The following TMEM131L variants were observed in gnomAD, a reference collection of about 807,000 sequenced individuals.
The protein encoded by TMEM131L is transmembrane 131 like.
A neutral mutation model predicts 192.2 loss-of-function variants in TMEM131L; 54 were observed. The ratio of observed to expected loss-of-function variants is 0.28; its 90% CI spans 0.23 to 0.35. The LOEUF (loss-of-function observed/expected upper bound fraction) is 0.35, where lower values mean the gene tolerates loss of function less well. Among genes scored for constraint, TMEM131L ranks in the 10% least tolerant of loss-of-function variants. The pLI, the probability that TMEM131L is intolerant of heterozygous loss-of-function variation, is 1.00. For missense variants in TMEM131L, 1,888 were observed against 1,972.9 expected (o/e 0.96, Z 0.82); for synonymous variants, 701 against 704.9 (o/e 0.99, Z 0.09).
intron 3 of TMEM131L, among the ~76,000 whole-genome samples, chr4:153,500,906 C>T (rs773875362): frequency 1.3e-5 from 2 of 151,852 alleles, no homozygotes; most frequent in Non-Finnish European, 1.5e-5. Context: ...CCAGAGACGC[C>T]GTTTAATGAT....
chr4:153,487,753 C>A, intron 3 of TMEM131L, among the ~76,000 whole-genome samples: 1 of 145,766 alleles, frequency 6.9e-6, no homozygotes, highest in Admixed American at 6.8e-5. Context: ...CCTCGTGGGC[C>A]TGTGGCTGAG....
rs139597924 is a variant in TMEM131L, at chr4:153,555,894, C to T, written c.416C>T (p.Pro139Leu). ...GCAGCTGCTGGACATTTCCATGTAC[C>T]GCCAGTTCCCTGCAGGGTGGGTGTT... ...VFAAAGHFHVPPVPCRVIPAM... is the reference protein window; with the variant it reads ...VFAAAGHFHVLPVPCRVIPAM... The change falls in exon 5 of 35, where the codon CCG becomes CTG. Residue 139 changes from proline to leucine, a missense_variant. Pro to Leu is a moderately conservative substitution (Grantham distance 98). Coordinates refer to ENST00000409959, the MANE Select transcript of TMEM131L (RefSeq NM_001131007.2). The surrounding 1 kb of genome is among the most constrained non-coding windows in gnomAD (Gnocchi z 4.1). The T allele has an allele frequency of 2.1e-3, 3,273 of 1,551,154 alleles. 5 individuals carry two copies. Among genetic ancestry groups the T allele is most frequent in the Non-Finnish European group, 2.6e-3 (2,993 of 1,146,736 alleles).
chr4:153,627,746 C>T, intron 31 of TMEM131L, 59 bp downstream of exon 31: 1 of 1,416,616 alleles, frequency 7.1e-7, no homozygotes. Context: ...GTCTGTATTC[C>T]TGGCTGATGA....
intron 4 of TMEM131L, among the ~76,000 whole-genome samples, chr4:153,554,388 A>G (rs1172051613): frequency 6.6e-6 from 1 of 152,244 alleles, no homozygotes; most frequent in Non-Finnish European, 1.5e-5. Flanking sequence ...ACGTTTTGAA[A>G]TACACATTGG....
At chr4:153,480,782 A>G (rs1251821777) in intron 3 of TMEM131L, among the ~76,000 whole-genome samples, 1 of 152,162 alleles carries the variant, frequency 6.6e-6, no homozygotes, top group Admixed American at 6.5e-5. Flanking sequence ...TTGAACATGG[A>G]TCATACCTTC....
At chr4:153,593,970 T>G (rs1578823131) in intron 19 of TMEM131L, 99 bp downstream of exon 19, 2 of 767,224 alleles carry the variant, frequency 2.6e-6, no homozygotes, top group African/African-American at 3.5e-5. Flanking sequence ...TTTTATTTAC[T>G]ATATATGGCT....
chr4:153,602,116 C>A, intron 21 of TMEM131L, 36 bp from the exon 22 acceptor site: 2 of 1,195,878 alleles, frequency 1.7e-6, no homozygotes, highest in South Asian at 3.0e-5. Flanking sequence ...TTTTATAGTT[C>A]ACATATACTA....
intron 34 of TMEM131L, 136 bp from the exon 35 acceptor site, chr4:153,636,165 C>T (rs1734555489): frequency 1.4e-5 from 12 of 886,058 alleles, no homozygotes; most frequent in Non-Finnish European, 2.0e-5. Flanking sequence ...GTTAAAGCAA[C>T]CCAGATTTAA....
chr4:153,619,621 A>C (rs1211088334), intron 26 of TMEM131L, among the ~76,000 whole-genome samples: 1 of 152,258 alleles, frequency 6.6e-6, no homozygotes, highest in Non-Finnish European at 1.5e-5. Context: ...TGTGGTGTGC[A>C]CATTGCTTTA....
chr4:153,499,371 T>C (rs1282101176), intron 3 of TMEM131L, among the ~76,000 whole-genome samples: 4 of 152,198 alleles, frequency 2.6e-5, no homozygotes, highest in African/African-American at 9.7e-5. Context: ...CTTCCATGGA[T>C]TTATCAGTCT....
chr4:153,481,625 T>C (rs1731944496), intron 3 of TMEM131L, among the ~76,000 whole-genome samples: 1 of 152,190 alleles, frequency 6.6e-6, no homozygotes, highest in South Asian at 2.1e-4. Context: ...AACCTCCGCC[T>C]CCTGGGCTTA....
chr4:153,489,579 G>C (rs945466115), intron 3 of TMEM131L, among the ~76,000 whole-genome samples: 1 of 152,114 alleles, frequency 6.6e-6, no homozygotes, highest in African/African-American at 2.4e-5. Context: ...CCAGGTTCAA[G>C]CGATTCTCCT....
chr4:153,635,562 C>T lies in TMEM131L; in HGVS notation c.4548C>T (p.Ile1516=), dbSNP rs755694392. 2 of 1,614,110 alleles carry T rather than the reference C, an allele frequency of 1.2e-6. No individual in the cohort carries two copies. Among genetic ancestry groups the T allele is most frequent in the Admixed American group, 3.3e-5 (2 of 60,020 alleles). The stretch of plus-strand genomic sequence containing the variant: ...CTGCCTGGGGACATGCCAGTTTCAT[C>T]AGCTCTCCGGTCAGTGTTGCCCATC... ...MPAAWGHASF[I]SSPPYLTSTR... The change falls in exon 34 of 35, where the codon ATC becomes ATT. Residue 1516 remains isoleucine (I), a synonymous_variant. Transcript: ENST00000409959.
intron 25 of TMEM131L, among the ~76,000 whole-genome samples, chr4:153,606,582 C>G (rs543210185): frequency 5.3e-5 from 8 of 152,164 alleles, no homozygotes; most frequent in African/African-American, 1.9e-4. Flanking sequence ...GGTAATAACA[C>G]TTTAATAAGC....
At position 153,533,362 on chromosome 4, in the gene TMEM131L, C is replaced by T. The variant is rs539247955; in HGVS notation, c.240-16711C>T. Among the ~76,000 whole-genome samples, 13 of 152,274 alleles carry T rather than the reference C, an allele frequency of 8.5e-5. No individual in the cohort carries two copies. In the East Asian group the frequency reaches 1.9e-3, roughly 23 times the overall value. ...AGGGGGACTGCGTGTGGGAGTGGGG[C>T]GCACATCTGCAGCAGCAGTGGCGGA... On this transcript the variant is annotated intron_variant, in intron 3 of 34. Transcript: ENST00000409959.
chr4:153,579,219 T>C (rs1008822400), intron 7 of TMEM131L, among the ~76,000 whole-genome samples: 4 of 151,428 alleles, frequency 2.6e-5, no homozygotes, highest in Non-Finnish European at 2.9e-5. Context: ...AAATTAGCCA[T>C]GTGTGGTGGT....
Position 153,526,271 on chromosome 4 carries a change from C to T in TMEM131L, c.240-23802C>T, listed in dbSNP as rs74729418. 7.1e-3 allele frequency among the ~76,000 whole-genome samples: 1,075 copies of T among 152,310 alleles called. 18 individuals are homozygous for T. The highest frequency in any genetic ancestry group is 0.024 in the African/African-American group (1,013 of 41,558). The stretch of plus-strand genomic sequence containing the variant: ...GTAGGCCACACTTGGTCCACCTGTC[C>T]TCTCATCCACAGGCCTCTCTTCTCC... On this transcript the variant is annotated intron_variant, in intron 3 of 34. Transcript: ENST00000409959.
chr4:153,560,862 G>T (rs1249915493), intron 7 of TMEM131L, among the ~76,000 whole-genome samples: 5 of 152,156 alleles, frequency 3.3e-5, no homozygotes, highest in Non-Finnish European at 7.4e-5. Context: ...AGTTTGGGTG[G>T]ACATATCTTT....
chr4:153,627,368 G>T (rs1733919565), intron 30 of TMEM131L, among the ~76,000 whole-genome samples: 1 of 152,106 alleles, frequency 6.6e-6, no homozygotes, highest in South Asian at 2.1e-4. Context: ...AGTTATGTTA[G>T]TTAATTTTTT....
Sources: gnomAD v4.1 joint callset for allele counts (sites outside exome capture counted in the v4.1 genomes callset) on GRCh38, gnomAD v4.1.1 for gene constraint, Gnocchi (gnomAD v3.1) non-coding constraint, MANE v1.5 for transcripts, NCBI Gene and HGNC (gene_info 2026-07-23, HGNC 2026-07-21) for gene names.